Variants in BIRC6 observed in about 807,000 individuals in gnomAD.
BIRC6 encodes the protein dual E2 ubiquitin-conjugating enzyme/E3 ubiquitin-protein ligase BIRC6.
In BIRC6, 98 loss-of-function variants were observed where a neutral mutation model predicts 503.3. The observed-to-expected ratio is 0.19, with a 90% CI of 0.17 to 0.23. The LOEUF is 0.23. Ranked by LOEUF, BIRC6 falls within the 10% of genes least tolerant of loss-of-function variation. The pLI, the probability that BIRC6 is intolerant of heterozygous loss-of-function variation, is 1.00. For synonymous variants in BIRC6, 2,240 were observed against 2,078.7 expected (o/e 1.08, Z -2.11); for missense variants, 5,360 against 5,806.0 (o/e 0.92, Z 2.50).
intron 65 of BIRC6, among the ~76,000 whole-genome samples, chr2:32,567,063 A>G (rs549259363): frequency 1.2e-4 from 19 of 152,198 alleles, no homozygotes; most frequent in Non-Finnish European, 2.1e-4. Context: ...CTCTGCCTCC[A>G]GGGTTCAAGC....
intron 3 of BIRC6, among the ~76,000 whole-genome samples, chr2:32,388,442 A>G (rs1248121160): frequency 6.6e-6 from 1 of 152,080 alleles, no homozygotes; most frequent in Non-Finnish European, 1.5e-5. Context: ...CCAGATCACT[A>G]AAATTAATTC....
At chr2:32,446,002 C>T (rs1372675249) in intron 21 of BIRC6, among the ~76,000 whole-genome samples, 2 of 152,048 alleles carry the variant, frequency 1.3e-5, no homozygotes, top group African/African-American at 2.4e-5. Flanking sequence ...GGATTACAGG[C>T]ATGCACCACA....
chr2:32,487,326 GTCTTATT>G (rs1480434024), intron 40 of BIRC6, among the ~76,000 whole-genome samples: 1 of 152,106 alleles, frequency 6.6e-6, no homozygotes, highest in East Asian at 1.9e-4. Flanking sequence ...TTAGTCAGGA[GTCTTATT>G]TCTTTCCCTT....
chr2:32,422,005 G>C (rs1301848520), intron 10 of BIRC6, among the ~76,000 whole-genome samples: 1 of 152,082 alleles, frequency 6.6e-6, no homozygotes, highest in Non-Finnish European at 1.5e-5. Flanking sequence ...TCTTTTGTTA[G>C]ACTGTTTCAT....
In BIRC6 at chr2:32,357,254, T is replaced by G. The variant is rs1301148195; in HGVS notation, c.93T>G (p.Ala31=). ...IVLSAGRKMA[A]AAAAASGPGC... ...TGAGCGCAGGCCGGAAGATGGCGGC[T>G]GCGGCTGCGGCGGCCTCGGGCCCCG... The change falls in exon 1 of 74, where the codon GCT becomes GCG. Residue 31 remains alanine (A), a synonymous_variant. Transcript: ENST00000421745. The surrounding 1 kb of genome is among the most constrained non-coding windows in gnomAD (Gnocchi z 4.9). 2.6e-6 allele frequency: 4 copies of G among 1,522,490 alleles called. No individual in the cohort carries two copies. The African/African-American group carries it at 4.3e-5, about 16-fold the overall frequency. 94.3% of individuals were successfully genotyped at this position (1,522,490 alleles called of 1,614,324 possible).
chr2:32,454,073 G>T, intron 23 of BIRC6, 131 bp downstream of exon 23: 2 of 722,148 alleles, frequency 2.8e-6, no homozygotes, highest in Non-Finnish European at 4.2e-6. Context: ...TTTGTGGGAG[G>T]GGCATTTGGG....
At chr2:32,438,731 T>G (rs1444385355) in intron 15 of BIRC6, among the ~76,000 whole-genome samples, 1 of 152,028 alleles carries the variant, frequency 6.6e-6, no homozygotes, top group Non-Finnish European at 1.5e-5. Context: ...CACTAATTTT[T>G]TTTTGTATTT....
chr2:32,495,790 GTTTTTTT>G (rs11464835), intron 45 of BIRC6, among the ~76,000 whole-genome samples: 3 of 84,806 alleles, frequency 3.5e-5, no homozygotes, highest in African/African-American at 1.4e-4. Flanking sequence ...TCAGGATGAA[GTTTTTTT>G]TTTTTTTTTT....
intron 1 of BIRC6, among the ~76,000 whole-genome samples, chr2:32,361,436 C>CA (rs2034069350): frequency 6.6e-6 from 1 of 152,132 alleles, no homozygotes; most frequent in African/African-American, 2.4e-5. Flanking sequence ...CATATGCCCT[C>CA]TATCTCTGTG....
At chr2:32,564,372 G>T (rs1239104946) in intron 65 of BIRC6, 3 of 152,158 alleles carry the variant, frequency 2.0e-5, no homozygotes, top group African/African-American at 7.2e-5. Context: ...TTTTCCATCA[G>T]TTGATGTCTA....
intron 62 of BIRC6, among the ~76,000 whole-genome samples, chr2:32,544,416 T>C (rs1311116044): frequency 6.6e-6 from 1 of 151,496 alleles, no homozygotes; most frequent in African/African-American, 2.4e-5. Flanking sequence ...ATAGAAAAAC[T>C]GAAGAATTAC....
chr2:32,363,911 T>G (rs572384392), intron 1 of BIRC6, among the ~76,000 whole-genome samples: 4 of 152,354 alleles, frequency 2.6e-5, no homozygotes, highest in African/African-American at 7.2e-5. Context: ...TTAAAAAATG[T>G]TCACTAAATG....
chr2:32,616,116 T>G (rs1385099989), intron 73 of BIRC6, among the ~76,000 whole-genome samples: 2 of 152,250 alleles, frequency 1.3e-5, no homozygotes, highest in Non-Finnish European at 2.9e-5. Flanking sequence ...ATCTTCTTTT[T>G]AACTCAATTT....
chr2:32,495,598 C>T (rs1056401311), intron 45 of BIRC6, among the ~76,000 whole-genome samples: 1 of 152,080 alleles, frequency 6.6e-6, no homozygotes, highest in Non-Finnish European at 1.5e-5. Context: ...CTTCAAAAAG[C>T]AGAAGTTTTA....
At chr2:32,596,299 G>A (rs2061670824) in intron 68 of BIRC6, among the ~76,000 whole-genome samples, 1 of 151,828 alleles carries the variant, frequency 6.6e-6, no homozygotes, top group Admixed American at 6.6e-5. Flanking sequence ...GGCCAACATG[G>A]TGTAACTCCA....
chr2:32,452,483 A>G (rs771416375), intron 22 of BIRC6, among the ~76,000 whole-genome samples: 1 of 152,166 alleles, frequency 6.6e-6, no homozygotes, highest in Non-Finnish European at 1.5e-5. Context: ...AAAGATATGT[A>G]GAGGGATCTT....
chr2:32,413,511 G>C (rs1053576567), intron 9 of BIRC6, among the ~76,000 whole-genome samples: 1 of 151,852 alleles, frequency 6.6e-6, no homozygotes, highest in African/African-American at 2.4e-5. Context: ...TAGAGGCGGG[G>C]TTTTGCCATG....
At chr2:32,372,199 A>G (rs749134629) in intron 1 of BIRC6, among the ~76,000 whole-genome samples, 4 of 152,204 alleles carry the variant, frequency 2.6e-5, no homozygotes, top group Non-Finnish European at 5.9e-5. Context: ...TCATACAGGT[A>G]CACACATGCA....
At chr2:32,442,301 A>C (rs754264897) in intron 18 of BIRC6, 23 bp from the exon 19 acceptor site, 3 of 1,612,594 alleles carry the variant, frequency 1.9e-6, no homozygotes, top group Non-Finnish European at 2.5e-6. Flanking sequence ...GGATGAGTCT[A>C]AATGTCTGCT....
Sources: gnomAD v4.1 joint callset for allele counts (sites outside exome capture counted in the v4.1 genomes callset) on GRCh38, gnomAD v4.1.1 for gene constraint, Gnocchi (gnomAD v3.1) non-coding constraint, MANE v1.5 for transcripts, NCBI Gene and HGNC (gene_info 2026-07-23, HGNC 2026-07-21) for gene names.